Variants in GRM7 observed in about 807,000 individuals in gnomAD.
GRM7 encodes the protein glutamate metabotropic receptor 7.
GRM7 carries 35 observed loss-of-function variants against 84.5 expected under a neutral mutation model. The observed-to-expected ratio is 0.41, with a 90% CI of 0.32 to 0.55. The LOEUF is 0.55. GRM7 is among the 20% of genes least tolerant of loss of function. The pLI is 0.19. For missense variants in GRM7, 1,003 were observed against 1,194.6 expected, an observed-to-expected ratio of 0.84 and a Z score of 2.36; for synonymous variants, 487 against 455.1, an observed-to-expected ratio of 1.07 and a Z score of -0.89.
chr3:6,903,883 T>A (rs1464606776), intron 1 of GRM7, among the ~76,000 whole-genome samples: 1 of 152,162 alleles, frequency 6.6e-6, no homozygotes, highest in Non-Finnish European at 1.5e-5. Context: ...TGAGGTTGAG[T>A]CTTCATATAC....
chr3:6,948,868 A>G (rs1239817727), intron 1 of GRM7, among the ~76,000 whole-genome samples: 1 of 152,134 alleles, frequency 6.6e-6, no homozygotes, highest in African/African-American at 2.4e-5. Context: ...TCCAAGACTA[A>G]GATTGCAACC....
At chr3:6,904,344 C>T (rs1381397496) in intron 1 of GRM7, among the ~76,000 whole-genome samples, 1 of 152,088 alleles carries the variant, frequency 6.6e-6, no homozygotes, top group African/African-American at 2.4e-5. Flanking sequence ...TGAGGAAAAA[C>T]TGTATGGGTT....
chr3:6,985,485 T>C (rs1009694010), intron 1 of GRM7, among the ~76,000 whole-genome samples: 11 of 152,198 alleles, frequency 7.2e-5, no homozygotes, highest in African/African-American at 2.4e-4. Flanking sequence ...TTATCACATT[T>C]TCAATGTGTG....
At chr3:6,919,674 A>C (rs954759952) in intron 1 of GRM7, among the ~76,000 whole-genome samples, 1 of 151,692 alleles carries the variant, frequency 6.6e-6, no homozygotes, top group African/African-American at 2.4e-5. Context: ...ATATAAGATC[A>C]TGGGGTTCTT....
intron 2 of GRM7, among the ~76,000 whole-genome samples, chr3:7,179,970 C>T (rs1003632748): frequency 2.0e-5 from 3 of 152,104 alleles, no homozygotes; most frequent in African/African-American, 7.2e-5. Context: ...TTAAGAAGTC[C>T]AGAGTTAGAA....
At chr3:7,022,998 A>G (rs1303274827) in intron 1 of GRM7, among the ~76,000 whole-genome samples, 2 of 150,250 alleles carry the variant, frequency 1.3e-5, no homozygotes, top group Admixed American at 6.7e-5. Flanking sequence ...GGAGTGTAGA[A>G]AATTCTTTTA....
intron 4 of GRM7, among the ~76,000 whole-genome samples, chr3:7,406,512 T>C (rs1485867900): frequency 2.0e-5 from 3 of 151,932 alleles, no homozygotes; most frequent in Non-Finnish European, 2.9e-5. Flanking sequence ...AAAAAAATCA[T>C]AAAAATTATT....
At chr3:7,023,938 G>A (rs1695876573) in intron 1 of GRM7, among the ~76,000 whole-genome samples, 1 of 152,162 alleles carries the variant, frequency 6.6e-6, no homozygotes. Context: ...AATGCGTGAT[G>A]CTAATGAAAG....
At chr3:7,298,961 C>A in intron 3 of GRM7, 136 bp downstream of exon 3, 1 of 750,386 alleles carries the variant, frequency 1.3e-6, no homozygotes, top group Non-Finnish European at 2.3e-6. Flanking sequence ...TCTGTGCTTG[C>A]CTCTACCCAA....
chr3:7,225,118 T>A (rs547021568), intron 2 of GRM7, among the ~76,000 whole-genome samples: 160 of 152,238 alleles, frequency 1.1e-3, no homozygotes, highest in African/African-American at 3.6e-3. Flanking sequence ...ACAAAGGATA[T>A]TGAAATATAT....
At chr3:7,306,910 G>A (rs1700213766) in intron 4 of GRM7, among the ~76,000 whole-genome samples, 1 of 152,084 alleles carries the variant, frequency 6.6e-6, no homozygotes, top group Admixed American at 6.6e-5. Flanking sequence ...CATGCCATAG[G>A]AACTTTCTGA....
Position 6,867,280 on chromosome 3 carries a change from C to A in GRM7, c.519+5373C>A, listed in dbSNP as rs1031637608. Reference sequence around the variant, plus strand: ...GTGAAAAATCAGGCTGTAGATAACACTTTCTTTACTTTAAACATAATTCTT... The same window carrying A: ...GTGAAAAATCAGGCTGTAGATAACAATTTCTTTACTTTAAACATAATTCTT... On this transcript the variant is annotated intron_variant, in intron 1 of 9. Transcript: ENST00000357716. 2.0e-5 allele frequency among the ~76,000 whole-genome samples: 3 copies of A among 152,284 alleles called. No individual in the cohort carries two copies. In the South Asian group the frequency reaches 6.2e-4, roughly 32 times the overall value.
At chr3:7,430,636 A>G (rs1278332128) in intron 5 of GRM7, among the ~76,000 whole-genome samples, 5 of 152,334 alleles carry the variant, frequency 3.3e-5, no homozygotes, top group South Asian at 2.1e-4. Flanking sequence ...ACATATGTCT[A>G]CAAAACTCTT....
At chr3:7,696,597 A>G (rs138430886) in intron 9 of GRM7, among the ~76,000 whole-genome samples, 32 of 152,342 alleles carry the variant, frequency 2.1e-4, no homozygotes, top group African/African-American at 7.5e-4. Context: ...AACACTTCCA[A>G]GCACTTTTCA....
intron 6 of GRM7, among the ~76,000 whole-genome samples, chr3:7,456,986 A>G (rs1698044846): frequency 6.6e-6 from 1 of 152,186 alleles, no homozygotes; most frequent in South Asian, 2.1e-4. Flanking sequence ...CCTAGAGAAA[A>G]GAAAATATTT....
At chr3:7,009,273 T>A (rs1377965426) in intron 1 of GRM7, among the ~76,000 whole-genome samples, 1 of 152,200 alleles carries the variant, frequency 6.6e-6, no homozygotes, top group East Asian at 1.9e-4. Flanking sequence ...TCAATACATT[T>A]TGAAAACATG....
At chr3:7,501,189 A>G (rs1179264699) in intron 7 of GRM7, among the ~76,000 whole-genome samples, 1 of 152,236 alleles carries the variant, frequency 6.6e-6, no homozygotes, top group African/African-American at 2.4e-5. Context: ...AAACAAGCCC[A>G]TAAAGTAGAT....
intron 8 of GRM7, among the ~76,000 whole-genome samples, chr3:7,669,353 G>C (rs1358137097): frequency 6.6e-6 from 1 of 152,214 alleles, no homozygotes; most frequent in East Asian, 1.9e-4. Flanking sequence ...GGTGGGAATA[G>C]CATCTAAGGC....
At chr3:6,977,089 G>A (rs1275449975) in intron 1 of GRM7, among the ~76,000 whole-genome samples, 1 of 152,130 alleles carries the variant, frequency 6.6e-6, no homozygotes, top group Admixed American at 6.6e-5. Flanking sequence ...AAGCACCATG[G>A]CATATTTCCT....
Sources: gnomAD v4.1 joint callset for allele counts (sites outside exome capture counted in the v4.1 genomes callset) on GRCh38, gnomAD v4.1.1 for gene constraint, MANE v1.5 for transcripts, NCBI Gene and HGNC (gene_info 2026-07-23, HGNC 2026-07-21) for gene names.